SLC6A5: variants seen among roughly 807,000 people sequenced by gnomAD.
The protein encoded by SLC6A5 is solute carrier family 6 member 5, also known as sodium- and chloride-dependent glycine transporter 2.
Under a neutral mutation model 90.5 loss-of-function variants are expected in SLC6A5, and 58 were observed. The observed-to-expected ratio is 0.64, with a 90% CI of 0.52 to 0.80. The LOEUF is 0.80. SLC6A5 is among the 30% of genes least tolerant of loss of function. The pLI is 0.00. For missense variants in SLC6A5, 1,015 were observed against 1,017.6 expected (o/e 1.00, Z 0.03); for synonymous variants, 427 against 401.4 (o/e 1.06, Z -0.76).
intron 10 of SLC6A5, among the ~76,000 whole-genome samples, 159 bp from the exon 11 acceptor site, chr11:20,636,148 T>A (rs1853201442): frequency 6.6e-6 from 1 of 152,114 alleles, no homozygotes; most frequent in South Asian, 2.1e-4. Context: ...TAAGGTCTAA[T>A]TGAGGAAATG....
At chr11:20,604,914 A>AC (rs1023809992) in intron 3 of SLC6A5, among the ~76,000 whole-genome samples, 15 of 152,040 alleles carry the variant, frequency 9.9e-5, no homozygotes, top group African/African-American at 3.6e-4. Context: ...AGTGCCTGCC[A>AC]CCCCCGCCTT....
At position 20,652,323 on chromosome 11, in the gene SLC6A5, C is replaced by G. The variant is rs2133825021; in HGVS notation, c.2105C>G (p.Pro702Arg). 1 of 1,614,116 alleles carries G rather than the reference C, an allele frequency of 6.2e-7. No individual in the cohort carries two copies. Among genetic ancestry groups the G allele is most frequent in the Non-Finnish European group, 8.5e-7 (1 of 1,180,000 alleles). Residue 702 changes from proline (P) to arginine (R), a missense_variant, in exon 15 of 16, where the codon CCC becomes CGC. Pro to Arg is a moderately radical substitution (Grantham distance 103, BLOSUM62 -2). Around this residue, in one of 3 missense-constraint regions of SLC6A5, gnomAD observed 442 missense variants for 494.3 expected, o/e 0.89. Transcript: ENST00000525748. The part of the protein sequence containing the change: ...ILCFSFYQWE[P>R]MTYGSYRYPN... Reference sequence around the variant, plus strand: ...TGCTTCAGCTTTTACCAGTGGGAGCCCATGACCTATGGCTCTTACCGCTAT... The same window carrying G: ...TGCTTCAGCTTTTACCAGTGGGAGCGCATGACCTATGGCTCTTACCGCTAT...
intron 14 of SLC6A5, among the ~76,000 whole-genome samples, 155 bp downstream of exon 14, chr11:20,647,089 T>G (rs1343174924): frequency 6.6e-6 from 1 of 151,726 alleles, no homozygotes; most frequent in Admixed American, 6.6e-5. Flanking sequence ...ATGAGAAAAC[T>G]GAAGTTCAGA....
intron 5 of SLC6A5, among the ~76,000 whole-genome samples, chr11:20,608,550 G>A (rs939679151): frequency 3.9e-5 from 6 of 152,248 alleles, no homozygotes; most frequent in African/African-American, 1.4e-4. Flanking sequence ...GAAATGAGGA[G>A]TGTGATACAG....
At chr11:20,651,537 T>G (rs1321194828) in intron 14 of SLC6A5, among the ~76,000 whole-genome samples, 7 of 151,060 alleles carry the variant, frequency 4.6e-5, no homozygotes, top group Non-Finnish European at 2.9e-5. Flanking sequence ...CCTCCCTAAG[T>G]GCTGGGATTA....
At chr11:20,648,315 T>G (rs578173601) in intron 14 of SLC6A5, among the ~76,000 whole-genome samples, 1 of 152,342 alleles carries the variant, frequency 6.6e-6, no homozygotes, top group Non-Finnish European at 1.5e-5. Context: ...CCTCCCTCTC[T>G]TCCCTTCCTT....
intron 10 of SLC6A5, 135 bp from the exon 11 acceptor site, chr11:20,636,172 A>G (rs1012363554): frequency 9.8e-6 from 7 of 714,124 alleles, no homozygotes; most frequent in Admixed American, 2.0e-5. Context: ...AGAGATGAGT[A>G]AAAAATAACC....
chr11:20,637,126 G>C (rs764269695), intron 11 of SLC6A5, 46 bp from the exon 12 acceptor site: 5 of 1,606,752 alleles, frequency 3.1e-6, no homozygotes, highest in African/African-American at 2.7e-5. Context: ...GTACCTCCTG[G>C]GTGGTACAAT....
chr11:20,620,977 A>G (rs578007294), intron 7 of SLC6A5, among the ~76,000 whole-genome samples: 4 of 151,670 alleles, frequency 2.6e-5, no homozygotes, highest in African/African-American at 7.2e-5. Flanking sequence ...TTTTTTTTGT[A>G]TTTTTAGTAG....
chr11:20,601,109 A>G lies in SLC6A5; in HGVS notation c.4-20A>G. 3 of 1,579,116 alleles carry G rather than the reference A, an allele frequency of 1.9e-6. No individual in the cohort carries two copies. The highest frequency in any genetic ancestry group is 2.6e-6 in the Non-Finnish European group (3 of 1,169,984). ...GCTGTTGTGACTTTGTTTTGCACGA[A>G]CTTGACATTGTGTTTGCAGGATTGC... On this transcript the variant is annotated intron_variant, in intron 1 of 15. Transcript: ENST00000525748.
chr11:20,601,412 A>C lies in SLC6A5; in HGVS notation c.287A>C (p.Asp96Ala). ...CAGGCGGCCTCTGCAGCTCTGCGGG[A>C]CTTGAGAGAGGCGCAAGGCGCGCAG... ...RAQAASAALRDLREAQGAQAS... is the reference protein window; with the variant it reads ...RAQAASAALRALREAQGAQAS... Residue 96 changes from aspartate to alanine, a missense_variant, in exon 2 of 16, where the codon GAC becomes GCC. By Grantham distance (126) the Asp-to-Ala change is moderately radical (BLOSUM62 -2). Transcript: ENST00000525748. The C allele has an allele frequency of 6.2e-7, 1 of 1,605,576 alleles. No homozygotes were observed. Among genetic ancestry groups the C allele is most frequent in the Non-Finnish European group, 8.5e-7 (1 of 1,176,560 alleles).
chr11:20,614,605 AC>A, intron 5 of SLC6A5, 73 bp from the exon 6 acceptor site: 1 of 1,456,670 alleles, frequency 6.9e-7, no homozygotes. Context: ...TTGTTTTTAA[AC>A]TGCTGCAGAG....
rs940449228 is a variant in SLC6A5 at position 20,637,323 on chromosome 11, C to T, written c.1869+20C>T. 1.2e-6 allele frequency: 2 copies of T among 1,608,446 alleles called. No homozygotes were observed. Among genetic ancestry groups the T allele is most frequent in the African/African-American group, 2.7e-5 (2 of 74,600 alleles). ...ACTCAGGTAAGCTGCCTCCTAGGCA[C>T]AGGCTTGGGGTGGGGGCAGGAGGGT... is the stretch of plus-strand genomic sequence containing the variant. On this transcript the variant is annotated intron_variant, in intron 12 of 15. Coordinates refer to ENST00000525748, the MANE Select transcript of SLC6A5 (RefSeq NM_004211.5).
intron 5 of SLC6A5, among the ~76,000 whole-genome samples, chr11:20,614,422 A>G (rs555326129): frequency 7.2e-5 from 11 of 152,332 alleles, no homozygotes; most frequent in Admixed American, 7.2e-4. Flanking sequence ...CTTGCCTACC[A>G]CATAGAGAGT....
intron 14 of SLC6A5, 57 bp downstream of exon 14, chr11:20,646,991 T>C: frequency 6.1e-6 from 7 of 1,144,408 alleles, no homozygotes; most frequent in Non-Finnish European, 8.0e-6. Context: ...TATGTGGTGT[T>C]TTACATTTGA....
At chr11:20,648,177 C>A (rs977738586) in intron 14 of SLC6A5, among the ~76,000 whole-genome samples, 5 of 152,174 alleles carry the variant, frequency 3.3e-5, no homozygotes, top group Admixed American at 6.5e-5. Flanking sequence ...GTAGGTGGCA[C>A]TAGAAACCAG....
Position 20,604,391 on chromosome 11 carries a change from A to G in SLC6A5, c.646A>G (p.Arg216Gly). The G allele has an allele frequency of 6.2e-7, 1 of 1,613,534 alleles. No individual in the cohort carries two copies. The highest frequency in any genetic ancestry group is 8.5e-7 in the Non-Finnish European group (1 of 1,179,838). Reference protein sequence around the residue: ...GYAVGLGNVWRFPYLAFQNGG... With the variant: ...GYAVGLGNVWGFPYLAFQNGG... ...CGCAGTGGGGCTGGGCAATGTCTGG[A>G]GGTTTCCCTACCTGGCCTTCCAGAA... Residue 216 changes from arginine to glycine, a missense_variant, in exon 3 of 16, where the codon AGG becomes GGG. Physicochemically the swap from Arg to Gly is moderately radical, Grantham distance 125 (BLOSUM62 -2). Around this residue, in one of 3 missense-constraint regions of SLC6A5, gnomAD observed 567 missense variants for 507.3 expected, o/e 1.12. Coordinates refer to ENST00000525748, the MANE Select transcript of SLC6A5 (RefSeq NM_004211.5).
chr11:20,617,741 C>T lies in SLC6A5; in HGVS notation c.1128-11C>T, dbSNP rs771874539. 6.2e-7 allele frequency: 1 copy of T among 1,613,442 alleles called. No homozygotes were observed. The highest frequency in any genetic ancestry group is 1.7e-5 in the Admixed American group (1 of 60,026). ...TCTATCACTCCCCCCATCCCTCCCT[C>T]CAACTCTCAGGTACTTTGTGCTGAA... On this transcript the variant is annotated splice_polypyrimidine_tract_variant and intron_variant, in intron 6 of 15. Transcript: ENST00000525748.
At chr11:20,652,564 T>C in intron 15 of SLC6A5, 108 bp downstream of exon 15, 1 of 1,132,588 alleles carries the variant, frequency 8.8e-7, no homozygotes, top group Admixed American at 1.7e-5. Context: ...AGAGGGAGAC[T>C]TGGTGATGAA....
Sources: gnomAD v4.1 joint callset for allele counts (sites outside exome capture counted in the v4.1 genomes callset) on GRCh38, gnomAD v4.1.1 for gene constraint, gnomAD v4.1.1 regional missense constraint, MANE v1.5 for transcripts, NCBI Gene and HGNC (gene_info 2026-07-23, HGNC 2026-07-21) for gene names.